Variants in WWTR1 observed in about 807,000 individuals in gnomAD.
WWTR1 encodes WW domain containing transcription regulator 1.
WWTR1 carries 13 observed loss-of-function variants against 40.1 expected under a neutral mutation model. The observed-to-expected ratio is 0.32, with a 90% CI of 0.21 to 0.52. The LOEUF (loss-of-function observed/expected upper bound fraction) is 0.52. Ranked by LOEUF, WWTR1 falls within the 20% of genes least tolerant of loss-of-function variation. WWTR1 has a pLI of 0.97. For synonymous variants in WWTR1, 230 were observed against 210.1 expected (o/e 1.09, Z -0.82); for missense variants, 436 against 523.1 (o/e 0.83, Z 1.63).
chr3:149,625,919 C>T (rs1740525581), intron 2 of WWTR1, among the ~76,000 whole-genome samples: 1 of 152,188 alleles, frequency 6.6e-6, no homozygotes, highest in African/African-American at 2.4e-5. Context: ...CACCTCCATG[C>T]AGCACCCTGA....
chr3:149,661,548 A>G (rs1295558727), upstream of WWTR1, among the ~76,000 whole-genome samples: 1 of 151,778 alleles, frequency 6.6e-6, no homozygotes, highest in African/African-American at 2.4e-5. Flanking sequence ...CAGCCTCCCG[A>G]GTAGTTGGGA....
intron 2 of WWTR1, among the ~76,000 whole-genome samples, chr3:149,637,766 A>G (rs1711920657): frequency 6.6e-6 from 1 of 152,172 alleles, no homozygotes; most frequent in Non-Finnish European, 1.5e-5. Flanking sequence ...GTAGGAGGAG[A>G]TCCCTTCTAG....
intron 2 of WWTR1, among the ~76,000 whole-genome samples, chr3:149,577,975 A>G (rs1362027509): frequency 1.3e-5 from 2 of 149,882 alleles, no homozygotes; most frequent in Non-Finnish European, 3.0e-5. Context: ...CCCTTCTGCC[A>G]ATCTTTCTGG....
At chr3:149,557,956 T>A (rs1300884600) in intron 3 of WWTR1, among the ~76,000 whole-genome samples, 3 of 140,222 alleles carry the variant, frequency 2.1e-5, no homozygotes, top group Non-Finnish European at 4.5e-5. Flanking sequence ...TGAGCGGAGA[T>A]CACGCCATTG....
chr3:149,699,751 A>G (rs528418494), intron 1 of WWTR1, among the ~76,000 whole-genome samples: 5 of 152,298 alleles, frequency 3.3e-5, no homozygotes, highest in Admixed American at 6.5e-5. Flanking sequence ...TTTACTGTCA[A>G]TATCTCTATC....
chr3:149,535,772 G>C (rs533421238), intron 4 of WWTR1, among the ~76,000 whole-genome samples: 1 of 152,090 alleles, frequency 6.6e-6, no homozygotes, highest in East Asian at 1.9e-4. Flanking sequence ...CAGCACTTTG[G>C]GAGGCCAGGG....
chr3:149,649,270 G>T (rs12487158), intron 2 of WWTR1, among the ~76,000 whole-genome samples: 7,842 of 152,260 alleles, frequency 0.052, 600 homozygotes, highest in East Asian at 0.24. Flanking sequence ...GGGATTACAG[G>T]CGTGAGCCAC....
At chr3:149,650,850 C>T (rs2065557547) in intron 2 of WWTR1, among the ~76,000 whole-genome samples, 1 of 152,204 alleles carries the variant, frequency 6.6e-6, no homozygotes, top group Non-Finnish European at 1.5e-5. Flanking sequence ...TTATTTTAAA[C>T]TTAAAACTGA....
rs1374656742 is a variant in WWTR1, at chr3:149,670,732, A to AT, written c.-107-842dup. ...GGGCCTGATGAGTAGACAGAAACAGATAAAAAAAAGAAGTCAATTCTCTTT... is the reference window on the plus strand; with the variant it reads ...GGGCCTGATGAGTAGACAGAAACAGATTAAAAAAAAGAAGTCAATTCTCTTT... On this transcript the variant is annotated intron_variant, in intron 1 of 7. Coordinates refer to the WWTR1 transcript ENST00000465804. 10 of 152,278 alleles carry AT rather than the reference A, an allele frequency of 6.6e-5. No individual in the cohort carries two copies. In the East Asian group the frequency reaches 1.5e-3, roughly 23 times the overall value. The allele number at this position is 152,278 out of a possible 1,614,324, so 9.4% of individuals were successfully genotyped here.
intron 2 of WWTR1, among the ~76,000 whole-genome samples, chr3:149,669,299 C>G (rs962137411): frequency 2.0e-5 from 3 of 152,308 alleles, no homozygotes; most frequent in Admixed American, 6.5e-5. Context: ...AGGAAAATCC[C>G]AAATGAGTTC....
At chr3:149,640,958 C>T (rs142221977) in intron 2 of WWTR1, among the ~76,000 whole-genome samples, 2 of 152,158 alleles carry the variant, frequency 1.3e-5, no homozygotes, top group East Asian at 1.9e-4. Flanking sequence ...AATTATTTTA[C>T]GTATCAAGTC....
At position 149,545,022 on chromosome 3, in the gene WWTR1, G is replaced by C. The variant is rs561709494; in HGVS notation, c.569-2485C>G. 2.6e-5 allele frequency among the ~76,000 whole-genome samples: 4 copies of C among 152,212 alleles called. No individual in the cohort carries two copies. In the East Asian group the frequency reaches 5.8e-4, roughly 22 times the overall value. On this transcript the variant is annotated intron_variant, in intron 3 of 6. Transcript: ENST00000360632. ...GGTACACAGGGAAAGCTCAGGAAAC[G>C]ATCTGATGAATGAATAAAATCAGTT...
At chr3:149,721,919 G>A (rs1045810400) in intron 4 of WWTR1, among the ~76,000 whole-genome samples, 5 of 152,096 alleles carry the variant, frequency 3.3e-5, no homozygotes, top group African/African-American at 7.2e-5. Flanking sequence ...CAACTTTCTT[G>A]TTAGCTACAG....
intron 3 of WWTR1, among the ~76,000 whole-genome samples, chr3:149,571,037 A>G (rs1308953127): frequency 6.6e-6 from 1 of 152,136 alleles, no homozygotes; most frequent in Non-Finnish European, 1.5e-5. Context: ...GCAGCTCTAT[A>G]TGTATGGACA....
rs933791430 is a variant in WWTR1, at chr3:149,518,910, T to C, written c.*1895A>G. The C allele has an allele frequency of 6.6e-6, 1 of 151,830 alleles. No individual in the cohort carries two copies. Among genetic ancestry groups the C allele is most frequent in the Non-Finnish European group, 1.5e-5 (1 of 68,008 alleles). The allele number at this position is 151,830 out of a possible 1,614,324, so 9.4% of individuals were successfully genotyped here. A position where few individuals can be genotyped will look rare whatever the true frequency, so the allele number is the denominator to read the frequency against. On this transcript the variant is annotated 3_prime_UTR_variant, in exon 7 of 7. Coordinates refer to ENST00000360632, the MANE Select transcript of WWTR1 (RefSeq NM_015472.6). ...TTCACAACTAGTATCCTTTCCACGA[T>C]ATTCCATAACTTTGCTACTTCATCT...
chr3:149,532,033 G>A (rs1258728345), intron 4 of WWTR1, among the ~76,000 whole-genome samples: 6 of 152,170 alleles, frequency 3.9e-5, no homozygotes, highest in Non-Finnish European at 8.8e-5. Flanking sequence ...TGAACAGGAG[G>A]GCCGAGTGGC....
chr3:149,642,774 CAAAAAAAA>C (rs1208125999), intron 2 of WWTR1, among the ~76,000 whole-genome samples: 1 of 62,196 alleles, frequency 1.6e-5, no homozygotes, highest in African/African-American at 6.4e-5. Flanking sequence ...GACTCCGTCT[CAAAAAAAA>C]AAAAAAAAGA....
At chr3:149,603,755 C>T (rs965303949) in intron 2 of WWTR1, among the ~76,000 whole-genome samples, 7 of 149,514 alleles carry the variant, frequency 4.7e-5, no homozygotes, top group South Asian at 4.2e-4. Flanking sequence ...TCCTTAGTAA[C>T]GCAGAAAATC....
chr3:149,662,713 A>T (rs1359860934), upstream of WWTR1, among the ~76,000 whole-genome samples: 4 of 152,146 alleles, frequency 2.6e-5, no homozygotes, highest in Non-Finnish European at 4.4e-5. Context: ...ACAACTGTTC[A>T]CAAGTATATG....
Sources: gnomAD v4.1 joint callset for allele counts (sites outside exome capture counted in the v4.1 genomes callset) on GRCh38, gnomAD v4.1.1 for gene constraint, MANE v1.5 for transcripts, NCBI Gene and HGNC (gene_info 2026-07-23, HGNC 2026-07-21) for gene names.